The following CELF2 variants were observed in gnomAD, a reference collection of about 807,000 sequenced individuals.
CELF2 encodes the protein CUGBP Elav-like family member 2.
A neutral mutation model predicts 62.6 loss-of-function variants in CELF2; 8 were observed. That is an observed-to-expected ratio of 0.13 (90% CI 0.07 to 0.23). The LOEUF (loss-of-function observed/expected upper bound fraction) is 0.23. CELF2 is among the 10% of genes least tolerant of loss of function. CELF2 has a pLI of 1.00. For synonymous variants in CELF2, 258 were observed against 250.0 expected (o/e 1.03, Z -0.30); for missense variants, 333 against 671.0 (o/e 0.50, Z 5.56).
chr10:10,585,767 G>A, the CELF2 span, among the ~76,000 whole-genome samples: 68 of 152,218 alleles, frequency 4.5e-4, no homozygotes, highest in Admixed American at 1.4e-3. Context: ...GTCATATTGC[G>A]GAAGGATCCC....
At chr10:10,946,702 A>T (rs1264308183) in intron 2 of CELF2, 1 of 152,498 alleles carries the variant, frequency 6.6e-6, no homozygotes, top group Admixed American at 6.5e-5. Context: ...AATTCATTTA[A>T]TACAATAATA....
intron 2 of CELF2, among the ~76,000 whole-genome samples, chr10:11,182,622 A>C (rs928710476): frequency 6.6e-6 from 1 of 152,158 alleles, no homozygotes; most frequent in Non-Finnish European, 1.5e-5. Flanking sequence ...AAGAGGTATG[A>C]AGAGAAAATG....
the CELF2 span, among the ~76,000 whole-genome samples, chr10:10,592,929 G>A: frequency 5.9e-5 from 9 of 152,130 alleles, no homozygotes; most frequent in Admixed American, 3.3e-4. Context: ...CTAACCCCAC[G>A]TGAAGGGCCA....
the CELF2 span, among the ~76,000 whole-genome samples, chr10:10,666,619 T>C: frequency 1.5e-5 from 2 of 134,776 alleles, 1 homozygote; most frequent in South Asian, 6.1e-4. Context: ...TCCCAGCACT[T>C]TGGGAGGCCG....
chr10:10,909,619 ATCT>A (rs1275678304), intron 1 of CELF2, among the ~76,000 whole-genome samples: 4 of 152,214 alleles, frequency 2.6e-5, no homozygotes, highest in Non-Finnish European at 4.4e-5. Flanking sequence ...TAAGACAAAA[ATCT>A]TCTTCCTCTT....
intron 2 of CELF2, among the ~76,000 whole-genome samples, chr10:10,966,917 G>C (rs559553406): frequency 6.6e-6 from 1 of 152,348 alleles, no homozygotes; most frequent in African/African-American, 2.4e-5. Context: ...GGAATAGTTT[G>C]GGATGAACCA....
At chr10:10,873,773 C>T (rs559741497) in intron 1 of CELF2, among the ~76,000 whole-genome samples, 1 of 152,310 alleles carries the variant, frequency 6.6e-6, no homozygotes, top group South Asian at 2.1e-4. Flanking sequence ...CGTCCCTATC[C>T]AGTTCTCCCT....
chr10:10,590,595 GTGTCTCTGTGTTCCAC>G, the CELF2 span, among the ~76,000 whole-genome samples: 1 of 152,130 alleles, frequency 6.6e-6, no homozygotes. Flanking sequence ...AAGGTACCCA[GTGTCTCTGTGTTCCAC>G]CCTCAACTGC....
chr10:11,277,516 C>T (rs754117629), intron 8 of CELF2, among the ~76,000 whole-genome samples: 2 of 152,222 alleles, frequency 1.3e-5, no homozygotes, highest in Non-Finnish European at 1.5e-5. Context: ...GCTCTCACCC[C>T]TCTAAGAGCT....
chr10:11,212,744 T>G (rs2062217074), intron 2 of CELF2, among the ~76,000 whole-genome samples: 3 of 149,416 alleles, frequency 2.0e-5, no homozygotes, highest in Admixed American at 1.3e-4. Context: ...TGGGTTTTTT[T>G]TTTTTTTTTT....
rs2066431722 is a variant in CELF2 at position 10,934,548 on chromosome 10, T to C, written c.89+14549T>C. 1 of 152,204 alleles carries C rather than the reference T, an allele frequency of 6.6e-6. No homozygotes were observed. 9.4% of individuals were successfully genotyped at this position (152,204 alleles called of 1,614,324 possible). ...ATTGGGGAAAACTAATCAATATTAT[T>C]TGCTTAAACTCAGGCAATGAAGGAG... On this transcript the variant is annotated intron_variant, in intron 2 of 13. Transcript: ENST00000636488. This position sits in a 1 kb window ranked among gnomAD's most constrained non-coding sequence, Gnocchi z 4.4.
intron 7 of CELF2, among the ~76,000 whole-genome samples, chr10:11,271,911 GGAGACTCA>G (rs2083938035): frequency 6.6e-6 from 1 of 152,130 alleles, no homozygotes; most frequent in Non-Finnish European, 1.5e-5. Flanking sequence ...ATGAGGAAAG[GGAGACTCA>G]AAGAGGTTAC....
rs1436335969 is a variant in CELF2, at chr10:11,329,038, C to T, written c.1551C>T (p.Asp517=). ...LKVQLKRSKN[D]SKPY is the part of the protein sequence containing the mutation. The stretch of plus-strand genomic sequence containing the variant: ...TGCAGCTGAAGCGTTCCAAAAACGA[C>T]AGCAAACCTTACTGATCCTAACCCC... Residue 517 remains aspartate, a synonymous_variant, in exon 13 of 13, where the codon GAC becomes GAT. Coordinates refer to ENST00000633077, the MANE Select transcript of CELF2 (RefSeq NM_001326342.2). This position sits in a 1 kb window ranked among gnomAD's most constrained non-coding sequence, Gnocchi z 5.5. 1 of 1,613,018 alleles carries T rather than the reference C, an allele frequency of 6.2e-7. No homozygotes were observed.
intron 1 of CELF2, among the ~76,000 whole-genome samples, chr10:11,126,967 T>C (rs892520586): frequency 3.3e-5 from 5 of 152,054 alleles, no homozygotes; most frequent in Non-Finnish European, 7.4e-5. Flanking sequence ...TACATAGGTA[T>C]AGATGTGCCA....
At chr10:10,518,492 G>A in the CELF2 span, among the ~76,000 whole-genome samples, 1 of 152,202 alleles carries the variant, frequency 6.6e-6, no homozygotes, top group Non-Finnish European at 1.5e-5. Flanking sequence ...CATGGAGAGT[G>A]AAATGGGATC....
At chr10:10,667,072 G>A in the CELF2 span, among the ~76,000 whole-genome samples, 9 of 152,074 alleles carry the variant, frequency 5.9e-5, no homozygotes, top group Non-Finnish European at 1.0e-4. Context: ...AAGAAAAAAT[G>A]ATTATGCATC....
chr10:11,108,680 C>A (rs2054323554), intron 1 of CELF2, among the ~76,000 whole-genome samples: 1 of 152,200 alleles, frequency 6.6e-6, no homozygotes, highest in South Asian at 2.1e-4. Flanking sequence ...CTCCCAGGAT[C>A]TGTGAATGAA....
At chr10:10,844,488 C>T (rs1357484720) in intron 1 of CELF2, among the ~76,000 whole-genome samples, 1 of 152,074 alleles carries the variant, frequency 6.6e-6, no homozygotes, top group East Asian at 1.9e-4. Context: ...ACAGAAGATT[C>T]CTCTAAGTGG....
the CELF2 span, among the ~76,000 whole-genome samples, chr10:10,634,529 G>A: frequency 2.6e-5 from 4 of 152,202 alleles, no homozygotes; most frequent in South Asian, 6.2e-4. Flanking sequence ...AATAAATATT[G>A]TATATATTTT....
Sources: allele counts gnomAD v4.1 joint callset (sites outside exome capture counted in the v4.1 genomes callset), GRCh38; gene constraint gnomAD v4.1.1; non-coding constraint Gnocchi (gnomAD v3.1); transcripts MANE v1.5; gene names NCBI Gene and HGNC (gene_info 2026-07-23, HGNC 2026-07-21).